NXF3: variants seen among roughly 807,000 people sequenced by gnomAD.
NXF3 encodes the protein TAP-like protein 3.
NXF3 carries 34 observed loss-of-function variants against 48.4 expected under a neutral mutation model. That is an observed-to-expected ratio of 0.70 (90% CI 0.53 to 0.93). The LOEUF (loss-of-function observed/expected upper bound fraction) is 0.93, where lower values mean the gene tolerates loss of function less well. NXF3 is among the 40% of genes least tolerant of loss of function. The probability of loss-of-function intolerance (pLI) is 0.00; values close to 1 mark genes in which losing one functional copy is unlikely to be tolerated. For missense variants in NXF3, 359 were observed against 406.1 expected, an observed-to-expected ratio of 0.88 and a Z score of 1.00; for synonymous variants, 132 against 145.7, an observed-to-expected ratio of 0.91 and a Z score of 0.68.
chrX:103,088,163 G>A, intron 1 of NXF3: 1 of 1,021,379 alleles, frequency 9.8e-7, no homozygotes, highest in Non-Finnish European at 1.4e-6. Flanking sequence ...TTCCAAGCAG[G>A]TTCAAAAGAA....
At chrX:103,080,474 A>G in intron 10 of NXF3, 102 bp downstream of exon 10, 1 of 866,051 alleles carries the variant, frequency 1.2e-6, no homozygotes. Flanking sequence ...TTTAAGGGTT[A>G]GCTCCAAAAA....
At chrX:103,087,184 T>C in intron 1 of NXF3, 1 of 665,008 alleles carries the variant, frequency 1.5e-6, no homozygotes. Context: ...TCAGACTACA[T>C]CACTGAAGAA....
chrX:103,077,643 G>A lies in NXF3; in HGVS notation c.1555C>T (p.Pro519Ser). 2 of 1,211,149 alleles carry A rather than the reference G, an allele frequency of 1.7e-6. No individual in the cohort carries two copies. The highest frequency in any genetic ancestry group is 2.2e-6 in the Non-Finnish European group (2 of 895,162). ...LVPTAFSSSV[P>S]AFSQEQQKML... is the part of the protein sequence containing the mutation. ...TTCTGCTGCTCCTGGGAGAAGGCAG[G>A]CACGGAGCTGGAGAAGGCTGTGGGC... Residue 519 changes from proline to serine, a missense_variant, in exon 18 of 20, where the codon CCT (proline) becomes TCT (serine). Pro to Ser is a moderately conservative substitution (Grantham distance 74). Coordinates refer to ENST00000395065, the MANE Select transcript of NXF3 (RefSeq NM_022052.2).
At chrX:103,082,011 C>T (rs1424301700) in intron 9 of NXF3, 2 of 384,403 alleles carry the variant, frequency 5.2e-6, no homozygotes, top group East Asian at 4.3e-5. Flanking sequence ...AGAGGGCACG[C>T]TAGAGGAGGC....
At chrX:103,082,020 G>A in intron 9 of NXF3, 1 of 396,595 alleles carries the variant, frequency 2.5e-6, no homozygotes, top group African/African-American at 2.5e-5. Flanking sequence ...GCTAGAGGAG[G>A]CTGGGTGGAG....
At position 103,084,384 on chromosome X, in the gene NXF3, C is replaced by T. The variant is rs781480933; in HGVS notation, c.309G>A (p.Gly103=). 3 of 1,211,721 alleles carry T rather than the reference C, an allele frequency of 2.5e-6. No homozygotes were observed. The highest frequency in any genetic ancestry group is 1.8e-5 in the South Asian group (1 of 56,958). Residue 103 remains glycine (G), a synonymous_variant, in exon 3 of 20, where the codon GGG becomes GGA. Coordinates refer to ENST00000395065, the MANE Select transcript of NXF3 (RefSeq NM_022052.2). ...EQKPPERRME[G]NMPDGTLGSW... is the part of the protein sequence containing the mutation. ...TCCCTAAGGTCCCATCCGGCATGTT[C>T]CCCTCCATTCTTCTCTCTGGAGGTT... is the stretch of plus-strand genomic sequence containing the variant.
At chrX:103,087,253 A>G (rs1922178848) in intron 1 of NXF3, 2 of 1,013,013 alleles carry the variant, frequency 2.0e-6, no homozygotes. Context: ...GGTAGCCAAC[A>G]AAGTACCTAG....
intron 5 of NXF3, 25 bp downstream of exon 5, chrX:103,083,373 C>A (rs374587887): frequency 1.8e-5 from 21 of 1,180,560 alleles, no homozygotes; most frequent in Non-Finnish European, 2.3e-5. Context: ...TCGATGCTAG[C>A]CCTGGTCATT....
intron 1 of NXF3, among the ~76,000 whole-genome samples, chrX:103,092,662 G>A (rs1226602780): frequency 8.8e-6 from 1 of 113,100 alleles, no homozygotes; most frequent in Non-Finnish European, 1.9e-5. Context: ...GGCTAGCCTT[G>A]ATAAATTTCT....
At chrX:103,076,491 G>A (rs1479805021) in intron 18 of NXF3, among the ~76,000 whole-genome samples, 190 bp from the exon 19 acceptor site, 1 of 111,859 alleles carries the variant, frequency 8.9e-6, no homozygotes, top group African/African-American at 3.3e-5. Flanking sequence ...ACTGTGAAAG[G>A]AAAATAAATC....
At chrX:103,091,956 G>T (rs1425344890) in intron 1 of NXF3, among the ~76,000 whole-genome samples, 1 of 86,718 alleles carries the variant, frequency 1.2e-5, no homozygotes, top group Non-Finnish European at 2.1e-5. Context: ...CTGCACTCCA[G>T]CCTGGGCGAC....
At chrX:103,091,044 G>A (rs1280152403) in intron 1 of NXF3, among the ~76,000 whole-genome samples, 6 of 111,975 alleles carry the variant, frequency 5.4e-5, no homozygotes, top group South Asian at 7.4e-4. Context: ...TCCTTATTAT[G>A]TCTGAAATTA....
Position 103,076,233 on chromosome X carries a change from G to A in NXF3, c.*49+8C>T. ...TCTGCTCACTTGGCCTGAATTCCTA[G>A]ACCTCACCTTGGGCCATGCAAGAAC... On this transcript the variant is annotated splice_region_variant and intron_variant, in intron 19 of 19. Coordinates refer to ENST00000395065, the MANE Select transcript of NXF3 (RefSeq NM_022052.2). 8.4e-7 allele frequency: 1 copy of A among 1,188,419 alleles called. No individual in the cohort carries two copies. Among genetic ancestry groups the A allele is most frequent in the Admixed American group, 2.2e-5 (1 of 45,961 alleles).
chrX:103,083,413 A>G lies in NXF3; in HGVS notation c.525T>C (p.Asp175=). The G allele has an allele frequency of 8.3e-7, 1 of 1,207,418 alleles. No individual in the cohort carries two copies. The change falls in exon 5 of 20, where the codon GAT becomes GAC. Residue 175 remains aspartate (D), a synonymous_variant. Coordinates refer to ENST00000395065, the MANE Select transcript of NXF3 (RefSeq NM_022052.2). ...TGACACACACCTTTTCATTATCCTC[A>G]TCCCAAATCTTGCCACTGACATTCT... is the stretch of plus-strand genomic sequence containing the variant. The part of the protein sequence containing the change: ...ALKNVSGKIW[D]EDNEKISIFV...
At chrX:103,081,126 G>A (rs774293239) in intron 9 of NXF3, 8 of 115,171 alleles carry the variant, frequency 6.9e-5, no homozygotes, top group Middle Eastern at 4.5e-3. Flanking sequence ...ATGCTCTACC[G>A]TGGTGGTGGA....
chrX:103,080,871 G>A, intron 9 of NXF3: 3 of 391,459 alleles, frequency 7.7e-6, no homozygotes, highest in Admixed American at 8.9e-5. Flanking sequence ...GGAGCCCAGG[G>A]CTCTGCTACC....
intron 9 of NXF3, 92 bp downstream of exon 9, chrX:103,082,163 T>A (rs1922031873): frequency 1.5e-5 from 9 of 585,594 alleles, no homozygotes; most frequent in Non-Finnish European, 2.7e-5. Flanking sequence ...GGGTCTGTGG[T>A]CCTCCCAGAA....
intron 1 of NXF3, 99 bp downstream of exon 1, chrX:103,092,897 T>A (rs1313184973): frequency 7.1e-6 from 6 of 849,900 alleles, no homozygotes; most frequent in Non-Finnish European, 1.0e-5. Context: ...AAAGGGAGAT[T>A]GGCTGGGTGT....
chrX:103,092,469 ACCACT>A (rs1330797784), intron 1 of NXF3, among the ~76,000 whole-genome samples: 18 of 112,861 alleles, frequency 1.6e-4, no homozygotes, highest in Non-Finnish European at 3.2e-4. Flanking sequence ...AATAGTTAAA[ACCACT>A]GTGATGTGGG....
Sources: gnomAD v4.1 joint callset for allele counts (sites outside exome capture counted in the v4.1 genomes callset) on GRCh38, gnomAD v4.1.1 for gene constraint, MANE v1.5 for transcripts, NCBI Gene and HGNC (gene_info 2026-07-23, HGNC 2026-07-21) for gene names.